PKNOX2: variants seen among roughly 807,000 people sequenced by gnomAD.
The protein encoded by PKNOX2 is PBX/knotted 1 homeobox 2.
In PKNOX2, 14 loss-of-function variants were observed where a neutral mutation model predicts 53.1. The ratio of observed to expected loss-of-function variants is 0.26; its 90% CI spans 0.17 to 0.41. The LOEUF (loss-of-function observed/expected upper bound fraction) is 0.41. Among genes scored for constraint, PKNOX2 ranks in the 10% least tolerant of loss-of-function variants. PKNOX2 has a pLI of 1.00. For missense variants in PKNOX2, 496 were observed against 602.8 expected, an observed-to-expected ratio of 0.82 and a Z score of 1.85; for synonymous variants, 257 against 242.8, an observed-to-expected ratio of 1.06 and a Z score of -0.54.
intron 1 of PKNOX2, among the ~76,000 whole-genome samples, chr11:125,176,077 G>C (rs1328430992): frequency 6.6e-6 from 1 of 152,164 alleles, no homozygotes; most frequent in Non-Finnish European, 1.5e-5. Context: ...CTTGTGGCTG[G>C]GGCAGGCGTG....
rs1320166360 is a variant in PKNOX2 at position 125,246,497 on chromosome 11, C to G, written c.-130+11382C>G. ...ATTCCTGGGACACGCTACTGGTGCT[C>G]ATCTCTGCCTTCCCCTTCCCCGGTT... On this transcript the variant is annotated intron_variant, in intron 2 of 12. Coordinates refer to ENST00000298282, the MANE Select transcript of PKNOX2 (RefSeq NM_001382323.2). Among the ~76,000 whole-genome samples the G allele has an allele frequency of 2.6e-5, 4 of 152,316 alleles. No individual in the cohort carries two copies. The East Asian group carries it at 5.8e-4, about 22-fold the overall frequency.
intron 2 of PKNOX2, among the ~76,000 whole-genome samples, chr11:125,300,653 CAGAG>C (rs941818290): frequency 6.6e-6 from 1 of 151,966 alleles, no homozygotes; most frequent in Non-Finnish European, 1.5e-5. Context: ...AACAAAGAGA[CAGAG>C]AGACAGAGAG....
chr11:125,385,523 C>A, intron 5 of PKNOX2, 28 bp from the exon 6 acceptor site: 2 of 1,586,870 alleles, frequency 1.3e-6, no homozygotes, highest in Admixed American at 1.8e-5. Context: ...TGTGTGTGCG[C>A]ATGTGTGAGC....
intron 1 of PKNOX2, among the ~76,000 whole-genome samples, chr11:125,175,188 A>G (rs757868270): frequency 6.7e-6 from 1 of 150,270 alleles, no homozygotes; most frequent in Non-Finnish European, 1.5e-5. Context: ...TTTCAAAGTC[A>G]TTTCCACTGG....
At chr11:125,410,032 T>C in intron 7 of PKNOX2, 164 bp from the exon 8 acceptor site, 1 of 932,080 alleles carries the variant, frequency 1.1e-6, no homozygotes, top group East Asian at 2.6e-5. Context: ...TTATTCACCC[T>C]TTCTAGGAAA....
intron 2 of PKNOX2, among the ~76,000 whole-genome samples, chr11:125,285,828 G>T (rs76759265): frequency 6.6e-6 from 1 of 152,270 alleles, no homozygotes; most frequent in Admixed American, 6.5e-5. Context: ...CCAAGCTCAC[G>T]GCTTCCTAAG....
intron 7 of PKNOX2, among the ~76,000 whole-genome samples, chr11:125,402,571 A>G (rs1954816562): frequency 2.0e-5 from 3 of 152,220 alleles, no homozygotes; most frequent in Non-Finnish European, 4.4e-5. Context: ...CTGTGAGAAC[A>G]GACACAAGCC....
chr11:125,251,590 C>T (rs1267832906), intron 2 of PKNOX2, among the ~76,000 whole-genome samples: 2 of 91,992 alleles, frequency 2.2e-5, no homozygotes, highest in African/African-American at 8.6e-5. Context: ...TGATGAGACT[C>T]TGTTCTCTGG....
intron 2 of PKNOX2, among the ~76,000 whole-genome samples, chr11:125,254,351 G>T (rs990784033): frequency 2.0e-5 from 3 of 152,218 alleles, no homozygotes; most frequent in Admixed American, 2.0e-4. Flanking sequence ...CCACCTCCCT[G>T]CCATGGGGCT....
chr11:125,178,451 C>T (rs947883562), intron 1 of PKNOX2, among the ~76,000 whole-genome samples: 2 of 148,814 alleles, frequency 1.3e-5, no homozygotes, highest in East Asian at 2.0e-4. Flanking sequence ...GCGGAGGTTG[C>T]GGTGAGCCGA....
chr11:125,181,594 G>T (rs1413010362), intron 1 of PKNOX2, among the ~76,000 whole-genome samples: 1 of 152,242 alleles, frequency 6.6e-6, no homozygotes, highest in Non-Finnish European at 1.5e-5. Flanking sequence ...GCTGCCCAGT[G>T]AGGGCTGGGA....
chr11:125,338,412 T>C lies in PKNOX2; in HGVS notation c.-23+6487T>C, dbSNP rs557854093. On this transcript the variant is annotated intron_variant, in intron 3 of 12. Transcript: ENST00000298282. ...CCAGGCCCTAAACAGAGAAGAAAGC[T>C]CCGAGGGGGGCTGAAGACAGCAAGG... Among the ~76,000 whole-genome samples, 7 of 152,080 alleles carry C rather than the reference T, an allele frequency of 4.6e-5. No individual in the cohort carries two copies. In the East Asian group the frequency reaches 1.4e-3, roughly 30 times the overall value.
chr11:125,222,204 G>A (rs1941214468), intron 1 of PKNOX2, among the ~76,000 whole-genome samples: 2 of 152,170 alleles, frequency 1.3e-5, no homozygotes, highest in African/African-American at 4.8e-5. Context: ...CTGCCTTGGG[G>A]CCACAGTGAT....
intron 5 of PKNOX2, among the ~76,000 whole-genome samples, chr11:125,375,412 A>C (rs1952777781): frequency 6.6e-6 from 1 of 152,202 alleles, no homozygotes; most frequent in Non-Finnish European, 1.5e-5. Context: ...AAAAGGGGGA[A>C]GGCAGATGAA....
intron 2 of PKNOX2, among the ~76,000 whole-genome samples, chr11:125,273,322 A>G (rs1386616059): frequency 1.3e-5 from 2 of 152,234 alleles, no homozygotes; most frequent in Non-Finnish European, 2.9e-5. Flanking sequence ...AACAGCTGAA[A>G]AGGCAGGCGG....
In PKNOX2 at chr11:125,367,993, A is replaced by G; in HGVS notation, c.227+8A>G. Reference sequence around the variant, plus strand: ...CAAGCGAGCTGTATACAGGTAGGAGACACTTCAGCTGTGTCTACAGCCCTC... The same window carrying G: ...CAAGCGAGCTGTATACAGGTAGGAGGCACTTCAGCTGTGTCTACAGCCCTC... On this transcript the variant is annotated splice_region_variant and intron_variant, in intron 5 of 12. Coordinates refer to ENST00000298282, the MANE Select transcript of PKNOX2 (RefSeq NM_001382323.2). The G allele has an allele frequency of 1.9e-6, 3 of 1,610,822 alleles. No individual in the cohort carries two copies. The highest frequency in any genetic ancestry group is 1.1e-5 in the South Asian group (1 of 90,550).
At chr11:125,304,326 C>T (rs2135973006) in intron 2 of PKNOX2, among the ~76,000 whole-genome samples, 1 of 152,382 alleles carries the variant, frequency 6.6e-6, no homozygotes, top group South Asian at 2.1e-4. Flanking sequence ...ATCTTAAGGT[C>T]TATAAACGGC....
chr11:125,177,704 C>G (rs1955804768), intron 1 of PKNOX2, among the ~76,000 whole-genome samples: 1 of 152,200 alleles, frequency 6.6e-6, no homozygotes, highest in Admixed American at 6.5e-5. Context: ...CCAGATACCC[C>G]TTCAGAGGCA....
intron 10 of PKNOX2, 109 bp from the exon 11 acceptor site, chr11:125,428,903 C>A (rs1956560683): frequency 2.5e-6 from 3 of 1,217,064 alleles, no homozygotes; most frequent in South Asian, 2.6e-5. Flanking sequence ...GGTTCCCAAA[C>A]CACTCGGGCT....
Sources: gnomAD v4.1 joint callset for allele counts (sites outside exome capture counted in the v4.1 genomes callset) on GRCh38, gnomAD v4.1.1 for gene constraint, MANE v1.5 for transcripts, NCBI Gene and HGNC (gene_info 2026-07-23, HGNC 2026-07-21) for gene names.